The following NUMB variants were observed in gnomAD, a reference collection of about 807,000 sequenced individuals.
NUMB encodes the protein protein numb homolog.
A neutral mutation model predicts 59.7 loss-of-function variants in NUMB; 29 were observed. The ratio of observed to expected loss-of-function variants is 0.49; its 90% confidence interval spans 0.36 to 0.66. The LOEUF (loss-of-function observed/expected upper bound fraction) is 0.66, where lower values mean the gene tolerates loss of function less well. Among genes scored for constraint, NUMB ranks in the 30% least tolerant of loss-of-function variants. The probability of loss-of-function intolerance (pLI) is 0.00; values close to 1 mark genes in which losing one functional copy is unlikely to be tolerated. For missense variants in NUMB, 723 were observed against 822.0 expected, an observed-to-expected ratio of 0.88 and a Z score of 1.47; for synonymous variants, 288 against 288.2, an observed-to-expected ratio of 1.00 and a Z score of 0.01.
At chr14:73,394,226 G>A (rs1043446430) in intron 2 of NUMB, among the ~76,000 whole-genome samples, 1 of 152,156 alleles carries the variant, frequency 6.6e-6, no homozygotes, top group African/African-American at 2.4e-5. Flanking sequence ...TTACAGGCGT[G>A]AGCCACTGCA....
intron 5 of NUMB, among the ~76,000 whole-genome samples, chr14:73,320,954 G>T (rs1262425384): frequency 2.0e-5 from 3 of 151,076 alleles, no homozygotes; most frequent in African/African-American, 7.3e-5. Context: ...CTATCTCTGG[G>T]GTTGTAGGAA....
chr14:73,324,073 T>C (rs925947361), intron 4 of NUMB, among the ~76,000 whole-genome samples: 5 of 152,174 alleles, frequency 3.3e-5, no homozygotes, highest in African/African-American at 9.7e-5. Flanking sequence ...CAATTGTTAT[T>C]TATGCCCTCC....
chr14:73,309,367 T>C (rs1021958807), intron 6 of NUMB, among the ~76,000 whole-genome samples: 1 of 152,170 alleles, frequency 6.6e-6, no homozygotes, highest in African/African-American at 2.4e-5. Context: ...GTGGCACATA[T>C]ACAGTATGGA....
intron 12 of NUMB, 105 bp from the exon 13 acceptor site, chr14:73,277,398 C>G (rs561328252): frequency 3.2e-4 from 284 of 876,854 alleles, no homozygotes; most frequent in Non-Finnish European, 4.3e-4. Context: ...CATGTCCCCC[C>G]CTAATGGGAC....
chr14:73,299,576 T>G (rs1889992447), intron 6 of NUMB, among the ~76,000 whole-genome samples: 1 of 86,976 alleles, frequency 1.1e-5, no homozygotes, highest in African/African-American at 6.4e-5. Context: ...ATATATGACA[T>G]GACATATGTC....
chr14:73,392,853 G>GT (rs148729554), intron 2 of NUMB, among the ~76,000 whole-genome samples: 13,381 of 151,918 alleles, frequency 0.088, 1,180 homozygotes, highest in African/African-American at 0.21. Context: ...TCTACCAAGG[G>GT]TAAGAGGATC....
At chr14:73,302,088 T>TA (rs1057020216) in intron 6 of NUMB, among the ~76,000 whole-genome samples, 20 of 150,590 alleles carry the variant, frequency 1.3e-4, no homozygotes, top group South Asian at 4.2e-4. Context: ...ATCTCAAAAA[T>TA]AAAAAAAAAT....
chr14:73,426,000 A>G (rs974123163), intron 1 of NUMB, among the ~76,000 whole-genome samples: 2 of 151,788 alleles, frequency 1.3e-5, no homozygotes, highest in Non-Finnish European at 2.9e-5. Flanking sequence ...AGTAGATACA[A>G]TGTTTCAACA....
chr14:73,289,679 A>G (rs970672154), intron 8 of NUMB, among the ~76,000 whole-genome samples: 3 of 152,194 alleles, frequency 2.0e-5, no homozygotes, highest in African/African-American at 7.2e-5. Flanking sequence ...AAACTTTTTA[A>G]AAAAACTTTT....
chr14:73,306,186 T>G (rs1393346189), intron 6 of NUMB, among the ~76,000 whole-genome samples: 1 of 152,174 alleles, frequency 6.6e-6, no homozygotes, highest in East Asian at 1.9e-4. Context: ...TGTACTTTCT[T>G]AAATGAGAGG....
chr14:73,341,255 G>A (rs113614534), intron 4 of NUMB, among the ~76,000 whole-genome samples: 41 of 152,224 alleles, frequency 2.7e-4, no homozygotes, highest in African/African-American at 6.5e-4. Context: ...TTTATTTTAC[G>A]TGGTGGGGAA....
intron 1 of NUMB, among the ~76,000 whole-genome samples, chr14:73,439,079 G>GT (rs1165486610): frequency 6.6e-6 from 1 of 152,110 alleles, no homozygotes; most frequent in Non-Finnish European, 1.5e-5. Flanking sequence ...TACCAACCAT[G>GT]TTTAATCCAA....
chr14:73,321,499 G>A (rs775154624), intron 5 of NUMB, among the ~76,000 whole-genome samples: 1 of 152,138 alleles, frequency 6.6e-6, no homozygotes, highest in Middle Eastern at 3.4e-3. Flanking sequence ...TCAGCCTCCC[G>A]AGTAACTGAT....
In NUMB at chr14:73,350,775, C is replaced by T. The variant is rs545409747; in HGVS notation, c.126+4851G>A. Reference sequence around the variant, plus strand: ...AACTCTTGGGCTCAAGTAACCCTCCCACCTTGGCCTCCCAAAGTGTTGAGA... The same window carrying T: ...AACTCTTGGGCTCAAGTAACCCTCCTACCTTGGCCTCCCAAAGTGTTGAGA... On this transcript the variant is annotated intron_variant, in intron 4 of 12. Coordinates refer to ENST00000555238, the MANE Select transcript of NUMB (RefSeq NM_001005743.2). Among the ~76,000 whole-genome samples, 249 of 151,934 alleles carry T rather than the reference C, an allele frequency of 1.6e-3. 5 individuals are homozygous for T. Among genetic ancestry groups the T allele is most frequent in the Non-Finnish European group, 3.1e-4 (21 of 67,964 alleles).
chr14:73,314,299 A>T (rs1890956283), intron 6 of NUMB, among the ~76,000 whole-genome samples: 1 of 152,184 alleles, frequency 6.6e-6, no homozygotes, highest in African/African-American at 2.4e-5. Flanking sequence ...CTTATTATAA[A>T]TATCTGTGAA....
chr14:73,365,783 C>A (rs1894317032), intron 3 of NUMB, among the ~76,000 whole-genome samples: 1 of 152,090 alleles, frequency 6.6e-6, no homozygotes, highest in South Asian at 2.1e-4. Context: ...ATCATAGATA[C>A]CTTACTTTAA....
intron 4 of NUMB, among the ~76,000 whole-genome samples, chr14:73,332,023 G>C (rs554620498): frequency 6.6e-6 from 1 of 152,212 alleles, no homozygotes; most frequent in East Asian, 1.9e-4. Context: ...GACTTATGAA[G>C]TCCAAACCTA....
At chr14:73,321,265 TA>T (rs1423777206) in intron 5 of NUMB, among the ~76,000 whole-genome samples, 1 of 152,216 alleles carries the variant, frequency 6.6e-6, no homozygotes, top group Admixed American at 6.5e-5. Context: ...GTGTAAATTA[TA>T]AGATTTTAAT....
At chr14:73,381,789 TAATA>T (rs1895257260) in intron 2 of NUMB, among the ~76,000 whole-genome samples, 1 of 151,638 alleles carries the variant, frequency 6.6e-6, no homozygotes, top group Non-Finnish European at 1.5e-5. Context: ...TATTATAAAT[TAATA>T]TTGTTTAAAA....
Sources: gnomAD v4.1 joint callset for allele counts (sites outside exome capture counted in the v4.1 genomes callset) on GRCh38, gnomAD v4.1.1 for gene constraint, MANE v1.5 for transcripts, NCBI Gene and HGNC (gene_info 2026-07-23, HGNC 2026-07-21) for gene names.